WWOX: variants seen among roughly 807,000 people sequenced by gnomAD.
WWOX encodes the protein WW domain containing oxidoreductase, also known as WW domain-containing oxidoreductase.
A neutral mutation model predicts 46.2 loss-of-function variants in WWOX; 69 were observed. That is an observed-to-expected ratio of 1.49 (90% CI 1.23 to 1.82). WWOX has a LOEUF of 1.82. WWOX is among the 40% of genes most tolerant of loss of function. WWOX has a pLI of 0.00. For synonymous variants in WWOX, 359 were observed against 202.6 expected, an observed-to-expected ratio of 1.77 and a Z score of -6.56; for missense variants, 919 against 542.6, an observed-to-expected ratio of 1.69 and a Z score of -6.89.
intron 8 of WWOX, among the ~76,000 whole-genome samples, chr16:78,561,101 T>C (rs188169462): frequency 3.3e-5 from 5 of 152,318 alleles, no homozygotes; most frequent in African/African-American, 9.6e-5. Context: ...ATTCAGATCC[T>C]TGAAGTTGTA....
At chr16:78,910,438 G>C (rs1033049) in intron 8 of WWOX, among the ~76,000 whole-genome samples, 110,262 of 151,584 alleles carry the variant, frequency 0.73, 40,449 homozygotes, top group South Asian at 0.89. Flanking sequence ...CTCACTGCAG[G>C]AGAACCTTGT....
chr16:78,428,474 G>A (rs7202482), intron 7 of WWOX, among the ~76,000 whole-genome samples: 2 of 151,926 alleles, frequency 1.3e-5, no homozygotes, highest in Non-Finnish European at 2.9e-5. Context: ...ACCCTTACAG[G>A]GAAGGGCTCT....
At chr16:78,609,869 C>A (rs1228205379) in intron 8 of WWOX, among the ~76,000 whole-genome samples, 1 of 152,184 alleles carries the variant, frequency 6.6e-6, no homozygotes, top group Non-Finnish European at 1.5e-5. Flanking sequence ...CTAATTTCAA[C>A]CTTTTCTTGC....
intron 8 of WWOX, among the ~76,000 whole-genome samples, chr16:78,618,750 C>G (rs1056860032): frequency 1.3e-5 from 2 of 151,906 alleles, no homozygotes; most frequent in Non-Finnish European, 2.9e-5. Flanking sequence ...GAATTCCCCA[C>G]TGTCTTCCCC....
intron 8 of WWOX, among the ~76,000 whole-genome samples, chr16:79,182,577 T>G (rs1471076781): frequency 6.6e-6 from 1 of 152,060 alleles, no homozygotes; most frequent in African/African-American, 2.4e-5. Context: ...TATTTGTGCT[T>G]TTAAAGTAGA....
intron 8 of WWOX, among the ~76,000 whole-genome samples, chr16:78,784,169 C>T (rs1219019270): frequency 6.6e-6 from 1 of 152,102 alleles, no homozygotes; most frequent in African/African-American, 2.4e-5. Flanking sequence ...ATTGCTTTTC[C>T]CATGTAACGT....
At chr16:78,825,300 A>G (rs539630234) in intron 8 of WWOX, 2 of 295,848 alleles carry the variant, frequency 6.8e-6, no homozygotes, top group East Asian at 7.9e-5. Flanking sequence ...CGAATTTCCA[A>G]GAAGAGGATG....
At chr16:79,155,125 C>G (rs1050733610) in intron 8 of WWOX, among the ~76,000 whole-genome samples, 11 of 152,194 alleles carry the variant, frequency 7.2e-5, no homozygotes, top group African/African-American at 1.7e-4. Context: ...CGCCTGTAAT[C>G]CCAGCACTTT....
chr16:79,181,863 A>T (rs1164404856), intron 8 of WWOX, among the ~76,000 whole-genome samples: 1 of 152,224 alleles, frequency 6.6e-6, no homozygotes, highest in Non-Finnish European at 1.5e-5. Flanking sequence ...TACAAACCAC[A>T]GCATAAACCC....
At chr16:79,111,542 T>C (rs1158063652) in intron 8 of WWOX, among the ~76,000 whole-genome samples, 2 of 152,214 alleles carry the variant, frequency 1.3e-5, no homozygotes, top group Non-Finnish European at 2.9e-5. Flanking sequence ...TTCACTTTTT[T>C]TATGTACTCT....
At chr16:78,991,682 A>G (rs527649947) in intron 8 of WWOX, among the ~76,000 whole-genome samples, 3 of 151,770 alleles carry the variant, frequency 2.0e-5, no homozygotes, top group Admixed American at 1.3e-4. Context: ...TCAGAACCTC[A>G]GTTTCCTTTC....
At chr16:78,791,554 T>A (rs1170883439) in intron 8 of WWOX, among the ~76,000 whole-genome samples, 1 of 152,086 alleles carries the variant, frequency 6.6e-6, no homozygotes, top group Non-Finnish European at 1.5e-5. Context: ...GATCATACCT[T>A]CGCAGGCCAT....
intron 8 of WWOX, among the ~76,000 whole-genome samples, chr16:78,498,038 T>C (rs2084961020): frequency 6.6e-6 from 1 of 151,686 alleles, no homozygotes; most frequent in African/African-American, 2.4e-5. Context: ...CTGTCTCTAC[T>C]AAAAATACAA....
At chr16:78,689,996 G>T (rs2047948961) in intron 8 of WWOX, among the ~76,000 whole-genome samples, 1 of 152,008 alleles carries the variant, frequency 6.6e-6, no homozygotes, top group African/African-American at 2.4e-5. Context: ...GAGTAGCTGG[G>T]ATTACAGGTG....
intron 8 of WWOX, among the ~76,000 whole-genome samples, chr16:78,870,215 C>T (rs1264060198): frequency 6.6e-6 from 1 of 152,220 alleles, no homozygotes; most frequent in East Asian, 1.9e-4. Context: ...CCTCAAGATT[C>T]TGTTGATACA....
At chr16:78,768,273 A>G (rs1279320927) in intron 8 of WWOX, among the ~76,000 whole-genome samples, 1 of 140,344 alleles carries the variant, frequency 7.1e-6, no homozygotes, top group Non-Finnish European at 1.5e-5. Context: ...AAAGTGATAG[A>G]TGAGTTAAAA....
At chr16:78,407,432 A>G (rs534815821) in intron 6 of WWOX, among the ~76,000 whole-genome samples, 1 of 152,212 alleles carries the variant, frequency 6.6e-6, no homozygotes, top group African/African-American at 2.4e-5. Context: ...AGCCACAATT[A>G]TCTTAACATT....
chr16:78,768,164 G>A (rs202223314), intron 8 of WWOX, among the ~76,000 whole-genome samples: 88 of 139,278 alleles, frequency 6.3e-4, no homozygotes, highest in African/African-American at 2.2e-3. Context: ...GGGCGGGGGG[G>A]TCGGTTATTT....
At chr16:78,561,972 C>G (rs2044449851) in intron 8 of WWOX, among the ~76,000 whole-genome samples, 1 of 110,732 alleles carries the variant, frequency 9.0e-6, no homozygotes, top group Non-Finnish European at 1.8e-5. Context: ...GACTTTTGCA[C>G]CAACCTAACA....
Sources: allele counts gnomAD v4.1 joint callset (sites outside exome capture counted in the v4.1 genomes callset), GRCh38; gene constraint gnomAD v4.1.1; transcripts MANE v1.5; gene names NCBI Gene and HGNC (gene_info 2026-07-23, HGNC 2026-07-21).